Variants in IL7 observed in about 807,000 individuals in gnomAD.
IL7 encodes interleukin-7.
IL7 carries 3 observed loss-of-function variants against 21.6 expected under a neutral mutation model. That is an observed-to-expected ratio of 0.14 (90% CI 0.06 to 0.36). IL7 has a LOEUF of 0.36. Among genes scored for constraint, IL7 ranks in the 10% least tolerant of loss-of-function variants. IL7 has a pLI of 1.00. For synonymous variants in IL7, 62 were observed against 68.1 expected, an observed-to-expected ratio of 0.91 and a Z score of 0.44; for missense variants, 175 against 200.2, an observed-to-expected ratio of 0.87 and a Z score of 0.76.
exon 5 of IL7, chr8:78,675,758 ATTAT>A (rs1417032009): frequency 1.7e-5 from 26 of 1,544,664 alleles, no homozygotes; most frequent in Non-Finnish European, 2.1e-5. Flanking sequence ...AGTTATATAA[ATTAT>A]TTATTAAATT....
chr8:78,711,942 G>A (rs1412396618), intron 3 of IL7: 1 of 1,160,538 alleles, frequency 8.6e-7, no homozygotes, highest in South Asian at 1.3e-5. Context: ...TTTATATAAA[G>A]AAGCAGTAGC....
chr8:78,740,186 C>A (rs560893005), intron 2 of IL7, 104 bp from the exon 3 acceptor site: 3 of 661,390 alleles, frequency 4.5e-6, no homozygotes, highest in East Asian at 4.4e-5. Context: ...TTTATATGTG[C>A]ATTTTAAGGA....
chr8:78,729,659 A>G (rs1356097489), downstream of IL7, among the ~76,000 whole-genome samples: 1 of 151,980 alleles, frequency 6.6e-6, no homozygotes, highest in Non-Finnish European at 1.5e-5. Flanking sequence ...CTGGAAGATC[A>G]TGCTGGTTCT....
intron 2 of IL7, among the ~76,000 whole-genome samples, chr8:78,776,424 C>G (rs1213705640): frequency 6.6e-6 from 1 of 151,972 alleles, no homozygotes; most frequent in Non-Finnish European, 1.5e-5. Context: ...GATTTTTGAA[C>G]CTTCATTGAT....
chr8:78,761,189 T>G (rs1423462470), intron 2 of IL7: 3 of 1,593,000 alleles, frequency 1.9e-6, no homozygotes, highest in Admixed American at 1.8e-5. Context: ...ACCCCTTTCT[T>G]TACTGTTCTG....
intron 2 of IL7, chr8:78,760,419 C>G: frequency 6.3e-7 from 1 of 1,597,634 alleles, no homozygotes; most frequent in Non-Finnish European, 8.5e-7. Flanking sequence ...AACTTGATGT[C>G]AGGCAGTTGG....
chr8:78,797,875 C>T (rs897432366), intron 2 of IL7, 197 bp downstream of exon 2: 22 of 429,802 alleles, frequency 5.1e-5, no homozygotes, highest in Admixed American at 7.6e-5. Context: ...ATCTTAGAGT[C>T]GAGGAAAGAA....
intron 2 of IL7, among the ~76,000 whole-genome samples, chr8:78,782,775 A>T (rs1338526519): frequency 6.6e-6 from 1 of 152,084 alleles, no homozygotes; most frequent in Non-Finnish European, 1.5e-5. Flanking sequence ...CCTCAGAGCC[A>T]GCGGGGAAAA....
chr8:78,756,538 G>A (rs1812354731), intron 2 of IL7, among the ~76,000 whole-genome samples: 1 of 151,788 alleles, frequency 6.6e-6, no homozygotes, highest in South Asian at 2.1e-4. Context: ...TTCTGGTTCT[G>A]TCTTGACAGG....
chr8:78,696,060 G>T (rs1332798482), intron 3 of IL7, among the ~76,000 whole-genome samples: 1 of 151,624 alleles, frequency 6.6e-6, no homozygotes, highest in East Asian at 1.9e-4. Flanking sequence ...TTTTGAGACG[G>T]AGTCTTGCTC....
chr8:78,800,739 AG>A (rs975962880), intron 1 of IL7, among the ~76,000 whole-genome samples: 2 of 152,218 alleles, frequency 1.3e-5, no homozygotes, highest in Non-Finnish European at 2.9e-5. Context: ...GTCATCTTAC[AG>A]GGGTCCAAAA....
chr8:78,678,612 CTT>C, intron 4 of IL7: 1 of 1,612,486 alleles, frequency 6.2e-7, no homozygotes, highest in Non-Finnish European at 8.5e-7. Context: ...AAACGGAAGA[CTT>C]TTGATTCAAG....
At chr8:78,739,697 A>C (rs1180913767) in intron 3 of IL7, among the ~76,000 whole-genome samples, 1 of 152,002 alleles carries the variant, frequency 6.6e-6, no homozygotes, top group Non-Finnish European at 1.5e-5. Context: ...CCTCCAAAAA[A>C]AAAAACAAAG....
intron 2 of IL7, among the ~76,000 whole-genome samples, chr8:78,778,338 T>G (rs566174953): frequency 3.3e-5 from 5 of 152,216 alleles, no homozygotes; most frequent in African/African-American, 1.2e-4. Context: ...GAACTATACA[T>G]TCTTCAAAGT....
intron 3 of IL7, among the ~76,000 whole-genome samples, chr8:78,710,519 TATC>T (rs1413933720): frequency 6.6e-6 from 1 of 152,072 alleles, no homozygotes; most frequent in African/African-American, 2.4e-5. Context: ...GACCATTTCT[TATC>T]ATATAAGAGG....
intron 2 of IL7, chr8:78,762,251 G>A: frequency 6.3e-7 from 1 of 1,578,438 alleles, no homozygotes; most frequent in South Asian, 1.1e-5. Context: ...AAAATGTTTG[G>A]CACATAATCG....
chr8:78,692,350 T>C (rs1810238595), intron 3 of IL7, among the ~76,000 whole-genome samples: 1 of 152,132 alleles, frequency 6.6e-6, no homozygotes, highest in Non-Finnish European at 1.5e-5. Context: ...TTCAGTCTTA[T>C]TTATTATTAC....
At chr8:78,718,269 C>T (rs529892497) in intron 6 of IL7, 5 of 151,776 alleles carry the variant, frequency 3.3e-5, no homozygotes, top group Admixed American at 6.6e-5. Flanking sequence ...TTCCATAACC[C>T]GTGAAGATAG....
chr8:78,761,107 G>A (rs1812539917), intron 2 of IL7: 1 of 1,594,128 alleles, frequency 6.3e-7, no homozygotes, highest in East Asian at 2.2e-5. Flanking sequence ...GTGCTTGCAG[G>A]AGTTCCACTA....
Sources: gnomAD v4.1 joint callset for allele counts (sites outside exome capture counted in the v4.1 genomes callset) on GRCh38, gnomAD v4.1.1 for gene constraint, MANE v1.5 for transcripts, NCBI Gene and HGNC (gene_info 2026-07-23, HGNC 2026-07-21) for gene names.